The following TRAPPC10 variants were observed in gnomAD, a reference collection of about 807,000 sequenced individuals.
TRAPPC10 encodes the protein TRAPP 130 kDa subunit.
In TRAPPC10, 23 loss-of-function variants were observed where a neutral mutation model predicts 125.5. The ratio of observed to expected loss-of-function variants is 0.18; its 90% CI spans 0.13 to 0.26. The LOEUF (loss-of-function observed/expected upper bound fraction) is 0.26. Ranked by LOEUF, TRAPPC10 falls within the 10% of genes least tolerant of loss-of-function variation. The pLI is 1.00. For synonymous variants in TRAPPC10, 509 were observed against 518.0 expected (o/e 0.98, Z 0.24); for missense variants, 1,123 against 1,308.4 (o/e 0.86, Z 2.19).
At position 44,045,582 on chromosome 21, in the gene TRAPPC10, C is replaced by T. The variant is rs561573861; in HGVS notation, c.286-6698C>T. Among the ~76,000 whole-genome samples the T allele has an allele frequency of 2.4e-4, 36 of 151,620 alleles. No individual in the cohort carries two copies. In the South Asian group the frequency reaches 2.7e-3, roughly 11 times the overall value. On this transcript the variant is annotated intron_variant, in intron 3 of 22. Transcript: ENST00000291574. ...CTTTTTTCTTTTTTTGAGAGAGTCT[C>T]GCACTGTTGCCCAGGCTGGAGTGCA... is the stretch of plus-strand genomic sequence containing the variant.
At chr21:44,015,513 A>G (rs2031726870) in intron 1 of TRAPPC10, among the ~76,000 whole-genome samples, 1 of 152,094 alleles carries the variant, frequency 6.6e-6, no homozygotes, top group South Asian at 2.1e-4. Flanking sequence ...GCTGGGCTCA[A>G]GTGACCCCTC....
At position 44,087,226 on chromosome 21, in the gene TRAPPC10, T is replaced by C. The variant is rs896594845; in HGVS notation, c.2539+266T>C. Among the ~76,000 whole-genome samples, 1 of 152,276 alleles carries C rather than the reference T, an allele frequency of 6.6e-6. No individual in the cohort carries two copies. The highest frequency in any genetic ancestry group is 1.5e-5 in the Non-Finnish European group (1 of 68,012). The stretch of plus-strand genomic sequence containing the variant: ...GATGGGGGTCACGGCTGGGGTCACG[T>C]TCCATGGTGATGCCTGCCAGACCCT... On this transcript the variant is annotated intron_variant, in intron 16 of 22. Coordinates refer to ENST00000291574, the MANE Select transcript of TRAPPC10 (RefSeq NM_003274.5). This position sits in a 1 kb window ranked among gnomAD's most constrained non-coding sequence, Gnocchi z 4.6.
At position 44,037,781 on chromosome 21, in the gene TRAPPC10, A is replaced by G. The variant is rs760857888; in HGVS notation, c.150-11A>G. 1.2e-5 allele frequency: 19 copies of G among 1,608,462 alleles called. No homozygotes were observed. In the Middle Eastern group the frequency reaches 5.0e-4, roughly 42 times the overall value. On this transcript the variant is annotated splice_polypyrimidine_tract_variant and intron_variant, in intron 2 of 22. Transcript: ENST00000291574. Reference sequence around the variant, plus strand: ...GTTGTTTTCTCAGTGACTTCAAACAATTGTTTACAGGTCCTATGGCCGGGC... The same window carrying G: ...GTTGTTTTCTCAGTGACTTCAAACAGTTGTTTACAGGTCCTATGGCCGGGC...
chr21:44,013,388 C>T (rs3788097), intron 1 of TRAPPC10, among the ~76,000 whole-genome samples: 51,049 of 152,156 alleles, frequency 0.34, 12,807 homozygotes, highest in African/African-American at 0.71. Flanking sequence ...AGGTGACTTG[C>T]AGAGAGGTGT....
chr21:44,015,938 C>T (rs1344896397), intron 1 of TRAPPC10, among the ~76,000 whole-genome samples: 1 of 152,108 alleles, frequency 6.6e-6, no homozygotes, highest in Non-Finnish European at 1.5e-5. Flanking sequence ...AGACTTTAGC[C>T]CATAATTAAA....
At chr21:44,079,892 A>T in intron 12 of TRAPPC10, 123 bp from the exon 13 acceptor site, 1 of 1,083,198 alleles carries the variant, frequency 9.2e-7, no homozygotes. Flanking sequence ...AGCCCTAGTA[A>T]CTTAAAAAAA....
At chr21:44,090,148 A>T (rs538426343) in intron 18 of TRAPPC10, among the ~76,000 whole-genome samples, 1 of 152,144 alleles carries the variant, frequency 6.6e-6, no homozygotes, top group Non-Finnish European at 1.5e-5. Context: ...ATGACCTTTT[A>T]TGGTTGCTTT....
intron 18 of TRAPPC10, 105 bp from the exon 19 acceptor site, chr21:44,091,818 T>C: frequency 9.0e-7 from 1 of 1,115,410 alleles, no homozygotes; most frequent in South Asian, 1.6e-5. Context: ...TTTGCTTTGT[T>C]GCTTTTTTGA....
chr21:44,068,009 A>G (rs1301315572), intron 7 of TRAPPC10, among the ~76,000 whole-genome samples: 4 of 151,594 alleles, frequency 2.6e-5, no homozygotes, highest in African/African-American at 4.9e-5. Flanking sequence ...AATCCCAGCT[A>G]CTCGGGAGGC....
intron 3 of TRAPPC10, among the ~76,000 whole-genome samples, chr21:44,045,656 A>G (rs1382534190): frequency 2.6e-5 from 4 of 151,692 alleles, no homozygotes; most frequent in African/African-American, 9.7e-5. Context: ...GGTTCAAGCG[A>G]TTCTCCTGCC....
rs760911398 is a variant in TRAPPC10, at chr21:44,082,783, T to C, written c.1724-5T>C. Reference sequence around the variant, plus strand: ...GGAGTCACTTACGATAATGTCTATTTACAGGTCATAAGATAGTGCTACCCA... The same window carrying C: ...GGAGTCACTTACGATAATGTCTATTCACAGGTCATAAGATAGTGCTACCCA... On this transcript the variant is annotated splice_polypyrimidine_tract_variant and splice_region_variant and intron_variant, in intron 13 of 22. Transcript: ENST00000291574. The surrounding 1 kb of genome is among the most constrained non-coding windows in gnomAD (Gnocchi z 4.4). 1 of 1,613,332 alleles carries C rather than the reference T, an allele frequency of 6.2e-7. No homozygotes were observed. Among genetic ancestry groups the C allele is most frequent in the Non-Finnish European group, 8.5e-7 (1 of 1,179,494 alleles).
chr21:44,074,998 C>A, intron 8 of TRAPPC10, 41 bp from the exon 9 acceptor site: 1 of 1,408,236 alleles, frequency 7.1e-7, no homozygotes, highest in South Asian at 1.2e-5. Context: ...CCTGCTGACT[C>A]TTACGGCAAA....
At chr21:44,074,526 T>C in intron 8 of TRAPPC10, 56 bp downstream of exon 8, 2 of 1,608,344 alleles carry the variant, frequency 1.2e-6, no homozygotes, top group Non-Finnish European at 1.7e-6. Flanking sequence ...CATGCCTGGG[T>C]GGCGGAGGAA....
intron 19 of TRAPPC10, 21 bp from the exon 20 acceptor site, chr21:44,094,042 G>T: frequency 1.2e-6 from 2 of 1,606,506 alleles, no homozygotes; most frequent in South Asian, 2.2e-5. Context: ...TGTGAGCAGT[G>T]ACCCCCAACT....
chr21:44,038,429 G>C (rs1314159876), intron 3 of TRAPPC10, among the ~76,000 whole-genome samples: 8 of 151,574 alleles, frequency 5.3e-5, no homozygotes, highest in African/African-American at 1.9e-4. Context: ...TGTTTCTTCT[G>C]CTTGTTTGTG....
intron 7 of TRAPPC10, among the ~76,000 whole-genome samples, chr21:44,065,928 C>T (rs142216435): frequency 1.9e-4 from 29 of 152,240 alleles, no homozygotes; most frequent in African/African-American, 5.5e-4. Context: ...CTGGAACTTC[C>T]GGGCTCAAGT....
In TRAPPC10 at chr21:44,079,723, A is replaced by G. The variant is rs895767997; in HGVS notation, c.1610+19A>G. The stretch of plus-strand genomic sequence containing the variant: ...TTGAAAAGTATCCTTTAATGTTTTC[A>G]TGAAGCAGGAAAATTATTTTCTGTT... On this transcript the variant is annotated intron_variant, in intron 12 of 22. Coordinates refer to ENST00000291574, the MANE Select transcript of TRAPPC10 (RefSeq NM_003274.5). 1.8e-5 allele frequency: 29 copies of G among 1,594,070 alleles called. No homozygotes were observed. Among genetic ancestry groups the G allele is most frequent in the Non-Finnish European group, 2.1e-5 (25 of 1,175,048 alleles).
rs374781131 is a variant in TRAPPC10 at position 44,089,838 on chromosome 21, G to A, written c.2775G>A (p.Ser925=). The A allele has an allele frequency of 1.4e-5, 22 of 1,613,488 alleles. No homozygotes were observed. The highest frequency in any genetic ancestry group is 1.7e-4 in the Middle Eastern group (1 of 6,056). ...RCMVTTDHKV[S]IDCPWSIYST... The stretch of plus-strand genomic sequence containing the variant: ...TCTTTGTGCTTCCTCCTCAGGTGTC[G>A]ATTGACTGCCCGTGGTCCATCTACT... The change falls in exon 18 of 23, where the codon TCG becomes TCA. Residue 925 remains serine (S), a synonymous_variant. Transcript: ENST00000291574.
intron 5 of TRAPPC10, among the ~76,000 whole-genome samples, chr21:44,058,197 G>A (rs564999917): frequency 6.6e-6 from 1 of 152,300 alleles, no homozygotes; most frequent in African/African-American, 2.4e-5. Flanking sequence ...AGGAGGAAAG[G>A]CCTGACTGGG....
Sources: allele counts gnomAD v4.1 joint callset (sites outside exome capture counted in the v4.1 genomes callset), GRCh38; gene constraint gnomAD v4.1.1; non-coding constraint Gnocchi (gnomAD v3.1); transcripts MANE v1.5; gene names NCBI Gene and HGNC (gene_info 2026-07-23, HGNC 2026-07-21).